ARIH1: variants seen among roughly 807,000 people sequenced by gnomAD.
ARIH1 encodes the protein ariadne RBR E3 ubiquitin protein ligase 1, also known as E3 ubiquitin-protein ligase ARIH1.
In ARIH1, 8 loss-of-function variants were observed where a neutral mutation model predicts 85.0. The observed-to-expected ratio is 0.09, with a 90% CI of 0.06 to 0.17. The LOEUF (loss-of-function observed/expected upper bound fraction) is 0.17, where lower values mean the gene tolerates loss of function less well. Among genes scored for constraint, ARIH1 ranks in the 10% least tolerant of loss-of-function variants. ARIH1 has a pLI of 1.00. For synonymous variants in ARIH1, 238 were observed against 253.6 expected, an observed-to-expected ratio of 0.94 and a Z score of 0.59; for missense variants, 311 against 718.1, an observed-to-expected ratio of 0.43 and a Z score of 6.48.
chr15:72,493,452 A>G (rs971390023), intron 1 of ARIH1, among the ~76,000 whole-genome samples: 6 of 152,210 alleles, frequency 3.9e-5, no homozygotes, highest in East Asian at 1.9e-4. Flanking sequence ...GCTCAATTAA[A>G]TAAATATCAG....
chr15:72,507,020 G>T lies in ARIH1; in HGVS notation c.376-11047G>T, dbSNP rs140500017. 6.4e-3 allele frequency among the ~76,000 whole-genome samples: 489 copies of T among 76,438 alleles called. 3 individuals carry two copies. The highest frequency in any genetic ancestry group is 0.018 in the African/African-American group (443 of 25,200). 50.1% of individuals were successfully genotyped at this position (76,438 alleles called of 152,430 possible). A position where few individuals can be genotyped will look rare whatever the true frequency, so the allele number is the denominator to read the frequency against. ...TGTATGTATGTATGTATGTATGTAT[G>T]TATTTATTTATTTATTTTTTGAAAC... On this transcript the variant is annotated intron_variant, in intron 1 of 13. Transcript: ENST00000379887.
In ARIH1 at chr15:72,531,588, A is replaced by G. The variant is rs550424004; in HGVS notation, c.444-13232A>G. Reference sequence around the variant, plus strand: ...TGACCAGAAATCCACATTTAAAAACATCTTAGTAAAACTACAAAATCAGCA... The same window carrying G: ...TGACCAGAAATCCACATTTAAAAACGTCTTAGTAAAACTACAAAATCAGCA... On this transcript the variant is annotated intron_variant, in intron 2 of 13. Transcript: ENST00000379887. 3.9e-5 allele frequency among the ~76,000 whole-genome samples: 6 copies of G among 152,334 alleles called. No homozygotes were observed. The East Asian group carries it at 1.2e-3, about 29-fold the overall frequency.
At chr15:72,566,653 G>A in intron 8 of ARIH1, 48 bp downstream of exon 8, 1 of 1,477,060 alleles carries the variant, frequency 6.8e-7, no homozygotes, top group Non-Finnish European at 9.4e-7. Context: ...ACACTTCTAA[G>A]ACTTAGTGAC....
At chr15:72,513,120 C>T (rs1346827357) in intron 1 of ARIH1, among the ~76,000 whole-genome samples, 4 of 152,204 alleles carry the variant, frequency 2.6e-5, no homozygotes, top group Admixed American at 1.3e-4. Flanking sequence ...TGAGCGGTTG[C>T]CCTGCCTTTT....
chr15:72,527,498 T>A (rs1183810597), intron 2 of ARIH1, among the ~76,000 whole-genome samples: 1 of 151,328 alleles, frequency 6.6e-6, no homozygotes, highest in Non-Finnish European at 1.5e-5. Flanking sequence ...CTGTTTACCT[T>A]GCTAGCTTTT....
chr15:72,482,089 G>A (rs1002759692), intron 1 of ARIH1, among the ~76,000 whole-genome samples: 1 of 152,050 alleles, frequency 6.6e-6, no homozygotes, highest in Non-Finnish European at 1.5e-5. Context: ...ACCCGACTTG[G>A]CCTCCCAAAG....
chr15:72,562,736 CTT>C (rs2140432621), intron 6 of ARIH1, among the ~76,000 whole-genome samples: 1 of 151,386 alleles, frequency 6.6e-6, no homozygotes, highest in African/African-American at 2.4e-5. Flanking sequence ...TTTCTTGTGT[CTT>C]TTGAAAATTG....
At chr15:72,522,026 A>T (rs1426083820) in intron 2 of ARIH1, among the ~76,000 whole-genome samples, 5 of 151,994 alleles carry the variant, frequency 3.3e-5, no homozygotes, top group African/African-American at 4.8e-5. Flanking sequence ...TGAATTGTTT[A>T]TTCAACAGTA....
At chr15:72,523,589 AT>A (rs1753127463) in intron 2 of ARIH1, among the ~76,000 whole-genome samples, 1 of 150,348 alleles carries the variant, frequency 6.7e-6, no homozygotes, top group African/African-American at 2.4e-5. Context: ...ATGTATCATT[AT>A]GCATTTGTCC....
At chr15:72,492,905 G>A (rs1197097048) in intron 1 of ARIH1, among the ~76,000 whole-genome samples, 1 of 152,184 alleles carries the variant, frequency 6.6e-6, no homozygotes, top group Non-Finnish European at 1.5e-5. Flanking sequence ...AAGGATGGCA[G>A]TAAGCTTGCC....
intron 5 of ARIH1, among the ~76,000 whole-genome samples, chr15:72,560,033 T>C (rs2064191256): frequency 1.3e-5 from 2 of 152,216 alleles, no homozygotes; most frequent in African/African-American, 4.8e-5. Flanking sequence ...CTTGTGGTAA[T>C]GCTATGTTTA....
chr15:72,528,526 C>A (rs2064040195), intron 2 of ARIH1, among the ~76,000 whole-genome samples: 1 of 152,120 alleles, frequency 6.6e-6, no homozygotes, highest in Admixed American at 6.5e-5. Flanking sequence ...TGACATTTAT[C>A]ACTATTCTAC....
chr15:72,546,497 C>T (rs539003192), intron 3 of ARIH1, among the ~76,000 whole-genome samples: 4 of 151,716 alleles, frequency 2.6e-5, no homozygotes, highest in Non-Finnish European at 5.9e-5. Flanking sequence ...TTTCTTTTTT[C>T]TTTCTTTCTT....
Position 72,475,131 on chromosome 15 carries a change from C to T in ARIH1, c.375+117C>T, listed in dbSNP as rs753698259. The T allele has an allele frequency of 4.2e-6, 6 of 1,443,766 alleles. No individual in the cohort carries two copies. In the East Asian group the frequency reaches 8.8e-5, roughly 21 times the overall value. The allele number at this position is 1,443,766 out of a possible 1,614,324, so 89.4% of individuals were successfully genotyped here. On this transcript the variant is annotated intron_variant, in intron 1 of 13. Transcript: ENST00000379887. ...GTGCGCAGCCTAGCCCGGTGCCTCCCGGCCTTGTCTTCTCCGCTGCCTCTG... is the reference window on the plus strand; with the variant it reads ...GTGCGCAGCCTAGCCCGGTGCCTCCTGGCCTTGTCTTCTCCGCTGCCTCTG...
At chr15:72,541,428 A>AAGATACTTT (rs1777528480) in intron 2 of ARIH1, among the ~76,000 whole-genome samples, 1 of 152,234 alleles carries the variant, frequency 6.6e-6, no homozygotes, top group Admixed American at 6.5e-5. Context: ...AGTAAATTAA[A>AAGATACTTT]AGATACTTTG....
chr15:72,580,005 T>G (rs2064288965), intron 11 of ARIH1, among the ~76,000 whole-genome samples: 1 of 152,180 alleles, frequency 6.6e-6, no homozygotes, highest in Admixed American at 6.6e-5. Context: ...CACCCTGTTG[T>G]GCAATAAATC....
intron 1 of ARIH1, among the ~76,000 whole-genome samples, chr15:72,488,655 T>G (rs1229897520): frequency 6.6e-6 from 1 of 152,218 alleles, no homozygotes; most frequent in Non-Finnish European, 1.5e-5. Flanking sequence ...CAGAAGAAAC[T>G]CAGTAAATAT....
intron 3 of ARIH1, among the ~76,000 whole-genome samples, chr15:72,554,250 G>T (rs1327502618): frequency 6.6e-6 from 1 of 152,030 alleles, no homozygotes; most frequent in Non-Finnish European, 1.5e-5. Flanking sequence ...AGAATTGCTG[G>T]GTCCTATGGT....
intron 5 of ARIH1, 26 bp downstream of exon 5, chr15:72,555,933 T>C (rs766659859): frequency 1.3e-6 from 2 of 1,591,162 alleles, no homozygotes; most frequent in Non-Finnish European, 1.7e-6. Context: ...AGATTCTGCA[T>C]GTGAATATTG....
Sources: allele counts gnomAD v4.1 joint callset (sites outside exome capture counted in the v4.1 genomes callset), GRCh38; gene constraint gnomAD v4.1.1; transcripts MANE v1.5; gene names NCBI Gene and HGNC (gene_info 2026-07-23, HGNC 2026-07-21).